DNAJC1: variants seen among roughly 807,000 people sequenced by gnomAD.
The protein encoded by DNAJC1 is DnaJ heat shock protein family (Hsp40) member C1.
A neutral mutation model predicts 76.6 loss-of-function variants in DNAJC1; 58 were observed. The observed-to-expected ratio is 0.76, with a 90% CI of 0.61 to 0.94. The LOEUF is 0.94. Among genes scored for constraint, DNAJC1 ranks in the 40% least tolerant of loss-of-function variants. The pLI is 0.00. For missense variants in DNAJC1, 689 were observed against 677.3 expected (o/e 1.02, Z -0.19); for synonymous variants, 258 against 267.9 (o/e 0.96, Z 0.36).
Position 21,882,425 on chromosome 10 carries a change from T to A in DNAJC1, c.835A>T (p.Lys279Ter). Reference sequence around the variant, plus strand: ...ACAGGAAATTCAGGTTTTGGTTTTTTAACTTTCTTCTGTTCTAAAAAATGT... The same window carrying A: ...ACAGGAAATTCAGGTTTTGGTTTTTAAACTTTCTTCTGTTCTAAAAAATGT... ...LETLQKQKKV[K>*]KPKPEFPVYT... The change falls in exon 8 of 12, where the codon AAA becomes TAA. Residue 279 changes from lysine to a stop codon, truncating the protein, a stop_gained. Transcript: ENST00000376980. LOFTEE classifies it high-confidence loss of function. The A allele has an allele frequency of 6.6e-7, 1 of 1,507,440 alleles. No homozygotes were observed. The highest frequency in any genetic ancestry group is 8.8e-7 in the Non-Finnish European group (1 of 1,131,932). 93.4% of individuals were successfully genotyped at this position (1,507,440 alleles called of 1,614,324 possible).
intron 3 of DNAJC1, among the ~76,000 whole-genome samples, chr10:21,925,094 A>G (rs1837105265): frequency 6.6e-6 from 1 of 152,046 alleles, no homozygotes; most frequent in Non-Finnish European, 1.5e-5. Flanking sequence ...CTCCCATCTC[A>G]GCATCACAAG....
chr10:21,837,151 G>A (rs570348392), intron 8 of DNAJC1, among the ~76,000 whole-genome samples: 2 of 152,244 alleles, frequency 1.3e-5, no homozygotes, highest in Admixed American at 6.5e-5. Context: ...AACCGCGAGT[G>A]ATCTGCCAGC....
rs562364063 is a variant in DNAJC1, at chr10:21,766,176, T to C, written c.1147+85A>G. On this transcript the variant is annotated intron_variant, in intron 10 of 11. Transcript: ENST00000376980. ...TTCATTAGGCAAAACTTCTAGACCC[T>C]TGTATTTAAAGAAGTTATTATAAAA... The C allele has an allele frequency of 1.8e-4, 186 of 1,061,516 alleles. 2 individuals are homozygous for C. The highest frequency in any genetic ancestry group is 2.1e-4 in the Non-Finnish European group (144 of 692,656). The allele number at this position is 1,061,516 out of a possible 1,614,324, so 65.8% of individuals were successfully genotyped here.
chr10:21,916,690 G>GT (rs1836961337), intron 6 of DNAJC1, among the ~76,000 whole-genome samples: 2 of 152,040 alleles, frequency 1.3e-5, no homozygotes, highest in South Asian at 4.2e-4. Context: ...CATAAATATC[G>GT]TATTTAAGAA....
In DNAJC1 at chr10:21,813,244, A is replaced by ATATATATATG. The variant is rs1429581567; in HGVS notation, c.979-7146_979-7145insCATATATATA. Reference sequence around the variant, plus strand: ...TCTATATATATATATATATATATATACACATACAGCTTCTGCCTTGCTCTT... The same window carrying ATATATATATG: ...TCTATATATATATATATATATATATATATATATATGCACATACAGCTTCTGCCTTGCTCTT... On this transcript the variant is annotated intron_variant, in intron 8 of 11. Coordinates refer to ENST00000376980, the MANE Select transcript of DNAJC1 (RefSeq NM_022365.4). Among the ~76,000 whole-genome samples, 56 of 122,882 alleles carry ATATATATATG rather than the reference A, an allele frequency of 4.6e-4. 3 individuals carry two copies. Among genetic ancestry groups the ATATATATATG allele is most frequent in the African/African-American group, 1.6e-3 (39 of 24,744 alleles). The allele number at this position is 122,882 out of a possible 152,430, so 80.6% of individuals were successfully genotyped here.
chr10:21,997,255 A>G (rs1037417436), intron 1 of DNAJC1, among the ~76,000 whole-genome samples: 2 of 152,192 alleles, frequency 1.3e-5, no homozygotes, highest in African/African-American at 4.8e-5. Context: ...GGTTTTTCCC[A>G]TCCAAAAAAC....
At chr10:21,882,052 G>A (rs2131721718) in intron 8 of DNAJC1, among the ~76,000 whole-genome samples, 1 of 152,248 alleles carries the variant, frequency 6.6e-6, no homozygotes, top group Middle Eastern at 3.4e-3. Flanking sequence ...TACTTGGGAA[G>A]CTAAGGCAGG....
intron 1 of DNAJC1, among the ~76,000 whole-genome samples, chr10:21,999,140 T>C (rs1387587858): frequency 6.6e-6 from 1 of 152,148 alleles, no homozygotes; most frequent in Non-Finnish European, 1.5e-5. Context: ...AAAAGAATGT[T>C]CTATATTAAT....
Position 21,882,306 on chromosome 10 carries a change from G to A in DNAJC1, c.954C>T (p.Asn318=). Residue 318 remains asparagine, a synonymous_variant, in exon 8 of 12, where the codon AAC becomes AAT. Transcript: ENST00000376980. ...CCTGTTTTTTCTGTGTTCGGTTCCT[G>A]TTTTCCAACCAATCATCCATTTGTT... ...IEEQMDDWLE[N]RNRTQKKQAP... The A allele has an allele frequency of 6.3e-7, 1 of 1,596,840 alleles. No homozygotes were observed. The highest frequency in any genetic ancestry group is 8.5e-7 in the Non-Finnish European group (1 of 1,175,650).
At chr10:21,979,155 TA>T (rs200213107) in intron 1 of DNAJC1, among the ~76,000 whole-genome samples, 6,304 of 151,832 alleles carry the variant, frequency 0.042, 233 homozygotes, top group African/African-American at 0.091. Context: ...GAAGATCTTT[TA>T]AAAAAAACCA....
chr10:21,882,051 A>G (rs1836289993), intron 8 of DNAJC1, among the ~76,000 whole-genome samples: 1 of 151,950 alleles, frequency 6.6e-6, no homozygotes, highest in Non-Finnish European at 1.5e-5. Context: ...CTACTTGGGA[A>G]GCTAAGGCAG....
At chr10:21,914,414 C>T (rs1177541304) in intron 6 of DNAJC1, among the ~76,000 whole-genome samples, 4 of 152,140 alleles carry the variant, frequency 2.6e-5, no homozygotes, top group Non-Finnish European at 4.4e-5. Context: ...AATCACAGAA[C>T]CACTTCATTT....
chr10:21,993,470 T>C (rs372240113), intron 1 of DNAJC1, among the ~76,000 whole-genome samples: 6 of 152,242 alleles, frequency 3.9e-5, no homozygotes, highest in East Asian at 1.9e-4. Flanking sequence ...TGCAAAATAC[T>C]GCAAGAACTC....
At chr10:21,969,212 A>G (rs1837936989) in intron 1 of DNAJC1, among the ~76,000 whole-genome samples, 1 of 118,708 alleles carries the variant, frequency 8.4e-6, no homozygotes, top group Non-Finnish European at 1.7e-5. Flanking sequence ...CAATAGAGCG[A>G]GACTCCATTT....
At chr10:21,822,396 G>A (rs980945744) in intron 8 of DNAJC1, among the ~76,000 whole-genome samples, 16 of 151,792 alleles carry the variant, frequency 1.1e-4, no homozygotes, top group African/African-American at 1.9e-4. Context: ...CTGAGATCGC[G>A]CCACTGCACT....
At chr10:21,928,959 C>A in intron 2 of DNAJC1, 81 bp downstream of exon 2, 4 of 808,108 alleles carry the variant, frequency 4.9e-6, no homozygotes, top group East Asian at 3.2e-5. Flanking sequence ...GAAAATATTC[C>A]ATATATAAGT....
intron 9 of DNAJC1, among the ~76,000 whole-genome samples, chr10:21,791,536 T>A (rs1043341942): frequency 2.0e-5 from 3 of 152,080 alleles, no homozygotes; most frequent in African/African-American, 7.2e-5. Flanking sequence ...AGAAATCATA[T>A]CAAGTATCCT....
chr10:21,837,639 C>T (rs1264068478), intron 8 of DNAJC1, among the ~76,000 whole-genome samples: 4 of 151,578 alleles, frequency 2.6e-5, no homozygotes, highest in Admixed American at 6.6e-5. Flanking sequence ...GCCCGGCAGC[C>T]ACCCTGTCTA....
chr10:21,994,615 C>T (rs1229034321), intron 1 of DNAJC1, among the ~76,000 whole-genome samples: 6 of 151,894 alleles, frequency 4.0e-5, no homozygotes, highest in Admixed American at 3.9e-4. Flanking sequence ...GGTGAAACCC[C>T]GTCTCCACTA....
Sources: allele counts gnomAD v4.1 joint callset (sites outside exome capture counted in the v4.1 genomes callset), GRCh38; gene constraint gnomAD v4.1.1; transcripts MANE v1.5; gene names NCBI Gene and HGNC (gene_info 2026-07-23, HGNC 2026-07-21).